ZC3H12B: variants seen among roughly 807,000 people sequenced by gnomAD.
ZC3H12B encodes the protein zinc finger CCCH-type containing 12B.
ZC3H12B carries 7 observed loss-of-function variants against 43.9 expected under a neutral mutation model. The observed-to-expected ratio is 0.16, with a 90% CI of 0.09 to 0.30. The LOEUF (loss-of-function observed/expected upper bound fraction) is 0.30. Among genes scored for constraint, ZC3H12B ranks in the 10% least tolerant of loss-of-function variants. The pLI is 1.00. For synonymous variants in ZC3H12B, 222 were observed against 241.7 expected (o/e 0.92, Z 0.76); for missense variants, 475 against 670.2 (o/e 0.71, Z 3.22).
At chrX:65,389,666 G>C (rs896470667) in intron 2 of ZC3H12B, among the ~76,000 whole-genome samples, 5 of 112,514 alleles carry the variant, frequency 4.4e-5, no homozygotes, top group Non-Finnish European at 9.4e-5. Flanking sequence ...ACACTCCCCA[G>C]TGATATAAAA....
At chrX:65,450,053 T>A (rs1490682017) in intron 3 of ZC3H12B, among the ~76,000 whole-genome samples, 8 of 109,450 alleles carry the variant, frequency 7.3e-5, no homozygotes, top group Non-Finnish European at 1.1e-4. Context: ...ACGCCTGTAA[T>A]CCCAACACTT....
intron 3 of ZC3H12B, among the ~76,000 whole-genome samples, chrX:65,464,967 C>A (rs979959276): frequency 1.8e-5 from 2 of 110,589 alleles, no homozygotes; most frequent in African/African-American, 6.5e-5. Context: ...TATTTAATTT[C>A]ATTTTAGAGA....
chrX:65,251,689 C>T, the ZC3H12B span, among the ~76,000 whole-genome samples: 5 of 111,275 alleles, frequency 4.5e-5, no homozygotes, highest in Non-Finnish European at 7.5e-5. Context: ...GTATTTTATT[C>T]CCTTTGAAGC....
the ZC3H12B span, among the ~76,000 whole-genome samples, chrX:65,183,689 T>G: frequency 8.9e-6 from 1 of 111,810 alleles, no homozygotes; most frequent in African/African-American, 3.2e-5. Flanking sequence ...ATGAATATAT[T>G]TTTATAGTTA....
At chrX:65,220,797 A>G in the ZC3H12B span, among the ~76,000 whole-genome samples, 1 of 111,890 alleles carries the variant, frequency 8.9e-6, no homozygotes, top group African/African-American at 3.2e-5. Flanking sequence ...GGTTATCAAG[A>G]CAGAAAGTAA....
chrX:65,144,685 G>C, the ZC3H12B span, among the ~76,000 whole-genome samples: 13 of 111,489 alleles, frequency 1.2e-4, no homozygotes, highest in African/African-American at 2.6e-4. Context: ...TGGTCATTCA[G>C]TTGAAGAATT....
chrX:65,503,315 A>AGAG (rs747660643), exon 5 of ZC3H12B: 1 of 737,099 alleles, frequency 1.4e-6, no homozygotes, highest in African/African-American at 2.2e-5. Flanking sequence ...TTTACAAGTT[A>AGAG]GAGTGTTTAT....
chrX:65,056,733 T>C, the ZC3H12B span, among the ~76,000 whole-genome samples: 2 of 111,369 alleles, frequency 1.8e-5, no homozygotes, highest in African/African-American at 6.5e-5. Flanking sequence ...CTAAATCTCT[T>C]TCTAGGTGTC....
At chrX:65,451,214 T>C (rs781748955) in intron 3 of ZC3H12B, among the ~76,000 whole-genome samples, 1 of 111,071 alleles carries the variant, frequency 9.0e-6, no homozygotes, top group Admixed American at 9.7e-5. Context: ...TATCCCAAAG[T>C]CCTGGGATTA....
chrX:65,234,262 T>C, the ZC3H12B span, among the ~76,000 whole-genome samples: 3 of 112,125 alleles, frequency 2.7e-5, no homozygotes, highest in Non-Finnish European at 3.8e-5. Context: ...AAAAAACATA[T>C]GGTCATTCCA....
At chrX:65,428,854 G>C (rs2067115782) in intron 3 of ZC3H12B, among the ~76,000 whole-genome samples, 1 of 112,603 alleles carries the variant, frequency 8.9e-6, no homozygotes, top group African/African-American at 3.2e-5. Context: ...TGGCATTTTT[G>C]CATTAATTCT....
chrX:65,436,316 A>T (rs973438853), intron 3 of ZC3H12B, among the ~76,000 whole-genome samples: 25 of 112,412 alleles, frequency 2.2e-4, no homozygotes, highest in African/African-American at 8.1e-4. Flanking sequence ...GGGGACACAA[A>T]GCCAAACCAT....
chrX:65,255,093 C>T, the ZC3H12B span, among the ~76,000 whole-genome samples: 1 of 111,646 alleles, frequency 9.0e-6, no homozygotes, highest in Non-Finnish European at 1.9e-5. Context: ...GATTCATCAA[C>T]GTCCCTGAAG....
chrX:65,134,881 A>C, the ZC3H12B span, among the ~76,000 whole-genome samples: 1 of 111,008 alleles, frequency 9.0e-6, no homozygotes, highest in Admixed American at 9.6e-5. Flanking sequence ...TTACAGTCAA[A>C]GGGGTTGTTC....
the ZC3H12B span, among the ~76,000 whole-genome samples, chrX:65,294,885 C>A: frequency 2.7e-5 from 3 of 110,106 alleles, no homozygotes; most frequent in Non-Finnish European, 5.7e-5. Context: ...ATGAGATAGA[C>A]AGCAACACAG....
chrX:65,404,629 AG>A (rs2066801189), intron 3 of ZC3H12B, among the ~76,000 whole-genome samples: 1 of 111,938 alleles, frequency 8.9e-6, no homozygotes, highest in Non-Finnish European at 1.9e-5. Flanking sequence ...ATAATGATAA[AG>A]GGGTAAATTC....
the ZC3H12B span, among the ~76,000 whole-genome samples, chrX:65,135,229 T>G: frequency 1.8e-5 from 2 of 111,611 alleles, no homozygotes; most frequent in South Asian, 7.4e-4. Flanking sequence ...TTTTCTTCCC[T>G]CTATGTAAAT....
upstream of ZC3H12B, among the ~76,000 whole-genome samples, chrX:65,364,893 A>G (rs186594317): frequency 9.0e-6 from 1 of 111,501 alleles, no homozygotes; most frequent in East Asian, 2.8e-4. Flanking sequence ...TTTACTCACA[A>G]GCCCCAAGCT....
chrX:65,192,640 G>T, the ZC3H12B span, among the ~76,000 whole-genome samples: 1 of 111,333 alleles, frequency 9.0e-6, no homozygotes, highest in Admixed American at 9.6e-5. Flanking sequence ...TTGATACGAT[G>T]GATTACATTG....
Sources: gnomAD v4.1 joint callset for allele counts (sites outside exome capture counted in the v4.1 genomes callset) on GRCh38, gnomAD v4.1.1 for gene constraint, MANE v1.5 for transcripts, NCBI Gene and HGNC (gene_info 2026-07-23, HGNC 2026-07-21) for gene names.